Variants in ACAP1 observed in about 807,000 individuals in gnomAD.
The protein encoded by ACAP1 is arf-GAP with coiled-coil, ANK repeat and PH domain-containing protein 1.
ACAP1 carries 45 observed loss-of-function variants against 98.8 expected under a neutral mutation model. The ratio of observed to expected loss-of-function variants is 0.46; its 90% CI spans 0.36 to 0.58. ACAP1 has a LOEUF of 0.58. ACAP1 is among the 20% of genes least tolerant of loss of function. The probability of loss-of-function intolerance (pLI) is 0.00; values close to 1 mark genes in which losing one functional copy is unlikely to be tolerated. For missense variants in ACAP1, 735 were observed against 971.4 expected, an observed-to-expected ratio of 0.76 and a Z score of 3.24; for synonymous variants, 362 against 375.3, an observed-to-expected ratio of 0.96 and a Z score of 0.41.
chr17:7,346,428 G>C lies in ACAP1; in HGVS notation c.944G>C (p.Cys315Ser). Residue 315 changes from cysteine (C) to serine (S), a missense_variant, in exon 12 of 22, where the codon TGC becomes TCC. Physicochemically the swap from Cys to Ser is moderately radical, Grantham distance 112. Around this residue, in one of 5 missense-constraint regions of ACAP1, gnomAD observed 430 missense variants for 531.8 expected, o/e 0.81. Coordinates refer to ENST00000158762, the MANE Select transcript of ACAP1 (RefSeq NM_014716.4). ...VTVVVDDLRL[C>S]TVKLCPDSER... The stretch of plus-strand genomic sequence containing the variant: ...GTGGTGGTGGATGACCTTCGTCTCT[G>C]CACAGTGAAACTCTGCCCTGACTCA... The C allele has an allele frequency of 6.2e-7, 1 of 1,613,800 alleles. No individual in the cohort carries two copies. The highest frequency in any genetic ancestry group is 8.5e-7 in the Non-Finnish European group (1 of 1,179,838).
chr17:7,344,712 C>T lies in ACAP1; in HGVS notation c.854+64C>T, dbSNP rs1338334047. On this transcript the variant is annotated intron_variant, in intron 10 of 21. Transcript: ENST00000158762. This position sits in a 1 kb window ranked among gnomAD's most constrained non-coding sequence, Gnocchi z 4.9. ...ATGATGTATTTTCGAGTGGTAATAG[C>T]ACACTAAGCACTGCAAGGAAAAACA... 4 of 1,190,400 alleles carry T rather than the reference C, an allele frequency of 3.4e-6. No homozygotes were observed. Among genetic ancestry groups the T allele is most frequent in the Non-Finnish European group, 4.9e-6 (4 of 823,024 alleles). The allele number at this position is 1,190,400 out of a possible 1,614,324, so 73.7% of individuals were successfully genotyped here.
rs1305110575 is a variant in ACAP1, at chr17:7,346,451, T to G, written c.967T>G (p.Ser323Ala). The change falls in exon 12 of 22, where the codon TCA becomes GCA. Residue 323 changes from serine (S) to alanine (A), a missense_variant. Physicochemically the swap from Ser to Ala is moderately conservative, Grantham distance 99. Coordinates refer to ENST00000158762, the MANE Select transcript of ACAP1 (RefSeq NM_014716.4). Reference protein sequence around the residue: ...RLCTVKLCPDSERRFCFEVVS... With the variant: ...RLCTVKLCPDAERRFCFEVVS... ...CTGCACAGTGAAACTCTGCCCTGAC[T>G]CAGAAAGGCGGTTCTGCTTTGAGGT... 6.2e-7 allele frequency: 1 copy of G among 1,613,310 alleles called. No individual in the cohort carries two copies. The highest frequency in any genetic ancestry group is 1.3e-5 in the African/African-American group (1 of 75,004).
Position 7,343,663 on chromosome 17 carries a change from A to T in ACAP1, c.529-43A>T, listed in dbSNP as rs767171435. The T allele has an allele frequency of 6.2e-7, 1 of 1,606,162 alleles. No homozygotes were observed. The highest frequency in any genetic ancestry group is 1.3e-5 in the African/African-American group (1 of 74,814). On this transcript the variant is annotated intron_variant, in intron 6 of 21. Coordinates refer to ENST00000158762, the MANE Select transcript of ACAP1 (RefSeq NM_014716.4). This position sits in a 1 kb window ranked among gnomAD's most constrained non-coding sequence, Gnocchi z 4.9. ...CAGTGGGAAGGGGTGCTGTGTCTTC[A>T]AGACTGATCTGGGGTTTTTTACGTC...
rs1338679013 is a variant in ACAP1 at position 7,348,404 on chromosome 17, C to A, written c.1607C>A (p.Pro536Gln). Residue 536 changes from proline (P) to glutamine (Q), a missense_variant, in exon 17 of 22, where the codon CCA (proline) becomes CAA (glutamine). Coordinates refer to ENST00000158762, the MANE Select transcript of ACAP1 (RefSeq NM_014716.4). ...IRGRRGGRGR[P>Q]RGQPPVPPKP... ...GGGCGAAGAGGTGGCCGGGGGCGCC[C>A]AAGGGGGCAGCCTCCTGTGCCCCCA... The A allele has an allele frequency of 7.8e-6, 12 of 1,545,364 alleles. No individual in the cohort carries two copies. Among genetic ancestry groups the A allele is most frequent in the Non-Finnish European group, 1.0e-5 (12 of 1,146,344 alleles).
At chr17:7,342,554 C>T in intron 5 of ACAP1, 80 bp downstream of exon 5, 2 of 1,494,374 alleles carry the variant, frequency 1.3e-6, no homozygotes, top group Non-Finnish European at 1.9e-6. Context: ...TTGCTTGAGC[C>T]CAGGAGTTGG....
chr17:7,342,306 A>G lies in ACAP1; in HGVS notation c.263A>G (p.Asn88Ser), dbSNP rs755458303. Residue 88 changes from asparagine to serine, a missense_variant, in exon 4 of 22, where the codon AAC (asparagine) becomes AGC (serine). Asn to Ser is a conservative substitution (Grantham distance 46, BLOSUM62 1). Coordinates refer to ENST00000158762, the MANE Select transcript of ACAP1 (RefSeq NM_014716.4). ...ECLEKFTVSL[N>S]HKLDSHAELL... is the part of the protein sequence containing the mutation. ...CTGGAAAAATTCACCGTGAGCCTGA[A>G]CCACAAGCTGGACAGCCATGCGGTA... 1.2e-6 allele frequency: 2 copies of G among 1,614,090 alleles called. No homozygotes were observed. The highest frequency in any genetic ancestry group is 1.7e-6 in the Non-Finnish European group (2 of 1,180,002).
intron 10 of ACAP1, 124 bp from the exon 11 acceptor site, chr17:7,346,120 T>G: frequency 1.2e-6 from 1 of 862,598 alleles, no homozygotes; most frequent in South Asian, 1.4e-5. Context: ...CTGGAATGTC[T>G]CGTGGAACAG....
In ACAP1 at chr17:7,342,009, C is replaced by A. The variant is rs370190619; in HGVS notation, c.173C>A (p.Ala58Asp). The change falls in exon 3 of 22, where the codon GCC (alanine) becomes GAC (aspartate). Residue 58 changes from alanine to aspartate, a missense_variant. By Grantham distance (126) the Ala-to-Asp change is moderately radical. This residue lies in a region of ACAP1 where 430 missense variants were observed against 531.8 expected (regional missense o/e 0.81). Coordinates refer to ENST00000158762, the MANE Select transcript of ACAP1 (RefSeq NM_014716.4). ...CGCCATTACCTTGCTGCCAGCCGCG[C>A]CTTCGTTGTCGGCATTTGTGACCTG... ...SGRHYLAASR[A>D]FVVGICDLAR... 2.3e-5 allele frequency: 37 copies of A among 1,614,090 alleles called. No individual in the cohort carries two copies. Among genetic ancestry groups the A allele is most frequent in the South Asian group, 7.7e-5 (7 of 91,090 alleles).
At position 7,344,208 on chromosome 17, in the gene ACAP1, T is replaced by G; in HGVS notation, c.744+85T>G. The G allele has an allele frequency of 7.0e-7, 1 of 1,426,732 alleles. No homozygotes were observed. Among genetic ancestry groups the G allele is most frequent in the Middle Eastern group, 2.1e-4 (1 of 4,748 alleles). The allele number at this position is 1,426,732 out of a possible 1,614,324, so 88.4% of individuals were successfully genotyped here. On this transcript the variant is annotated intron_variant, in intron 9 of 21. Transcript: ENST00000158762. This position sits in a 1 kb window ranked among gnomAD's most constrained non-coding sequence, Gnocchi z 4.9. ...GGGAAGATTGCTTGAGGCCTGGAGT[T>G]CAAGATTAGCCTAGGCATCGTAGTG...
At position 7,336,633 on chromosome 17, in the gene ACAP1, C is replaced by G; in HGVS notation, c.-102C>G. The G allele has an allele frequency of 7.7e-7, 1 of 1,290,882 alleles. No homozygotes were observed. The highest frequency in any genetic ancestry group is 1.1e-6 in the Non-Finnish European group (1 of 892,062). The allele number at this position is 1,290,882 out of a possible 1,614,324, so 80.0% of individuals were successfully genotyped here. On this transcript the variant is annotated 5_prime_UTR_variant, in exon 1 of 22. Coordinates refer to ENST00000158762, the MANE Select transcript of ACAP1 (RefSeq NM_014716.4). Reference sequence around the variant, plus strand: ...CCTTCCCCGCGGAGGTCCCTCTCCTCCTTCCCCCTCATCTCCCCTTCCTGG... The same window carrying G: ...CCTTCCCCGCGGAGGTCCCTCTCCTGCTTCCCCCTCATCTCCCCTTCCTGG...
At chr17:7,337,072 C>T (rs61759532) in intron 1 of ACAP1, among the ~76,000 whole-genome samples, 23,221 of 152,160 alleles carry the variant, frequency 0.15, 2,338 homozygotes, top group Non-Finnish European at 0.23. Context: ...TGCTCTGGGG[C>T]GGTTAGCAAC....
At chr17:7,351,115 C>T in intron 21 of ACAP1, 116 bp downstream of exon 21, 1 of 1,194,342 alleles carries the variant, frequency 8.4e-7, no homozygotes, top group South Asian at 1.3e-5. Context: ...TTAACAAATG[C>T]GTATTGGGCG....
At chr17:7,346,520 T>C in intron 12 of ACAP1, 29 bp downstream of exon 12, 1 of 1,532,898 alleles carries the variant, frequency 6.5e-7, no homozygotes, top group African/African-American at 1.4e-5. Flanking sequence ...GGTGATACTC[T>C]AATATATCTA....
chr17:7,337,243 C>A, intron 1 of ACAP1, 69 bp from the exon 2 acceptor site: 2 of 1,490,874 alleles, frequency 1.3e-6, no homozygotes, highest in Non-Finnish European at 1.9e-6. Flanking sequence ...CCTGCGACTC[C>A]ATCCCGCCTG....
At chr17:7,341,879 G>A in intron 2 of ACAP1, 69 bp from the exon 3 acceptor site, 1 of 1,594,688 alleles carries the variant, frequency 6.3e-7, no homozygotes, top group Non-Finnish European at 8.6e-7. Flanking sequence ...AGGAAGTGGG[G>A]CAGGTGTGGG....
At chr17:7,337,841 G>A (rs999890549) in intron 2 of ACAP1, among the ~76,000 whole-genome samples, 2 of 151,620 alleles carry the variant, frequency 1.3e-5, no homozygotes, top group Admixed American at 6.6e-5. Context: ...GCGACAGAGC[G>A]AGACTCTGTG....
In ACAP1 at chr17:7,348,073, G is replaced by A; in HGVS notation, c.1414-54G>A. On this transcript the variant is annotated intron_variant, in intron 15 of 21. Coordinates refer to ENST00000158762, the MANE Select transcript of ACAP1 (RefSeq NM_014716.4). ...GGCGGTGCAGGGGCGTGATCCCTGA[G>A]GAGTCACTCACCCCCACCTTCCCTG... The A allele has an allele frequency of 3.1e-6, 5 of 1,610,686 alleles. No homozygotes were observed. In the Admixed American group the frequency reaches 5.0e-5, roughly 16 times the overall value.
At chr17:7,346,031 A>G (rs1320761876) in intron 10 of ACAP1, 1 of 569,946 alleles carries the variant, frequency 1.8e-6, no homozygotes, top group Non-Finnish European at 3.1e-6. Flanking sequence ...TTGTCTTCAT[A>G]ACTATATGAA....
rs2073378900 is a variant in ACAP1 at position 7,349,257 on chromosome 17, A to G, written c.1851+90A>G. Reference sequence around the variant, plus strand: ...CCTGCCCTTACCTCCTTTCCCCACCACCTGTTCCCTAGGGCTTCCACCCAT... The same window carrying G: ...CCTGCCCTTACCTCCTTTCCCCACCGCCTGTTCCCTAGGGCTTCCACCCAT... On this transcript the variant is annotated intron_variant, in intron 18 of 21. Transcript: ENST00000158762. 45 of 1,398,138 alleles carry G rather than the reference A, an allele frequency of 3.2e-5. No homozygotes were observed. In the South Asian group the frequency reaches 5.5e-4, roughly 17 times the overall value. The allele number at this position is 1,398,138 out of a possible 1,614,324, so 86.6% of individuals were successfully genotyped here.
Sources: allele counts gnomAD v4.1 joint callset (sites outside exome capture counted in the v4.1 genomes callset), GRCh38; gene constraint gnomAD v4.1.1; regional missense constraint gnomAD v4.1.1; non-coding constraint Gnocchi (gnomAD v3.1); transcripts MANE v1.5; gene names NCBI Gene and HGNC (gene_info 2026-07-23, HGNC 2026-07-21).